The following MIPEP variants were observed in gnomAD, a reference collection of about 807,000 sequenced individuals.
MIPEP encodes mitochondrial intermediate peptidase.
In MIPEP, 79 loss-of-function variants were observed where a neutral mutation model predicts 90.3. The observed-to-expected ratio is 0.87, with a 90% confidence interval of 0.73 to 1.05. MIPEP has a LOEUF of 1.05. Among genes scored for constraint, MIPEP ranks in the 50% least tolerant of loss-of-function variants. MIPEP has a pLI of 0.00. For missense variants in MIPEP, 940 were observed against 905.6 expected (o/e 1.04, Z -0.49); for synonymous variants, 334 against 315.8 (o/e 1.06, Z -0.61).
chr13:23,865,603 A>T (rs1016077045), intron 7 of MIPEP, among the ~76,000 whole-genome samples: 1 of 152,196 alleles, frequency 6.6e-6, no homozygotes, highest in African/African-American at 2.4e-5. Flanking sequence ...ATTTCTTAAT[A>T]ACCGTGTTTT....
intron 9 of MIPEP, among the ~76,000 whole-genome samples, chr13:23,861,338 A>C (rs1870295446): frequency 6.6e-6 from 1 of 152,162 alleles, no homozygotes; most frequent in Non-Finnish European, 1.5e-5. Flanking sequence ...TTCTATAGTC[A>C]CCAAACTAAA....
rs1871665776 is a variant in MIPEP, at chr13:23,889,012, G to A, written c.189+120C>T. ...CGCACACAAGACGCCACTGTAAAAG[G>A]TGGGTTCGCTGCTCGCCTCCTCCCA... On this transcript the variant is annotated intron_variant, in intron 1 of 18. Transcript: ENST00000382172. The A allele has an allele frequency of 5.2e-6, 5 of 954,780 alleles. No individual in the cohort carries two copies. The African/African-American group carries it at 8.6e-5, about 16-fold the overall frequency. 59.1% of individuals were successfully genotyped at this position (954,780 alleles called of 1,614,324 possible).
chr13:23,799,741 T>C (rs1013839928), intron 16 of MIPEP, among the ~76,000 whole-genome samples: 1 of 152,210 alleles, frequency 6.6e-6, no homozygotes, highest in African/African-American at 2.4e-5. Flanking sequence ...AAACATGTCT[T>C]CTTTTCATAT....
chr13:23,819,008 A>T (rs1396909182), intron 14 of MIPEP, among the ~76,000 whole-genome samples: 1 of 152,258 alleles, frequency 6.6e-6, no homozygotes, highest in Admixed American at 6.5e-5. Flanking sequence ...TAAAGTATTT[A>T]TCTTTTAAAA....
rs551175227 is a variant in MIPEP at position 23,736,073 on chromosome 13, G to A, written c.2045-5628C>T. ...CAAGTCTTAATTTTAGAAGGGTGAC[G>A]ATTAAAATTGTATTTTCCAAGCACC... On this transcript the variant is annotated intron_variant, in intron 18 of 18. Transcript: ENST00000382172. Among the ~76,000 whole-genome samples the A allele has an allele frequency of 2.6e-5, 4 of 152,284 alleles. No homozygotes were observed. The East Asian group carries it at 7.7e-4, about 29-fold the overall frequency.
intron 1 of MIPEP, among the ~76,000 whole-genome samples, chr13:23,886,940 G>A (rs529329803): frequency 6.6e-6 from 1 of 152,006 alleles, no homozygotes; most frequent in Admixed American, 6.6e-5. Context: ...CTCCTCCTAG[G>A]AGAAATATTT....
intron 16 of MIPEP, among the ~76,000 whole-genome samples, chr13:23,802,809 C>T (rs1210316668): frequency 1.3e-5 from 2 of 152,160 alleles, no homozygotes; most frequent in African/African-American, 4.8e-5. Flanking sequence ...GTGCAGTATT[C>T]AATAAATTAC....
intron 16 of MIPEP, among the ~76,000 whole-genome samples, chr13:23,763,139 A>G (rs983838597): frequency 3.3e-5 from 5 of 152,240 alleles, no homozygotes; most frequent in Non-Finnish European, 5.9e-5. Context: ...TACAACATAT[A>G]CACAGTCCAA....
chr13:23,852,807 A>C (rs939606826), intron 10 of MIPEP, among the ~76,000 whole-genome samples: 1 of 152,224 alleles, frequency 6.6e-6, no homozygotes, highest in Non-Finnish European at 1.5e-5. Flanking sequence ...AGGGGATGGC[A>C]GCTCCATGCC....
intron 14 of MIPEP, among the ~76,000 whole-genome samples, chr13:23,831,952 G>C (rs914836922): frequency 4.6e-5 from 7 of 152,124 alleles, no homozygotes; most frequent in African/African-American, 1.7e-4. Flanking sequence ...TATTTGTAAA[G>C]AGCCACTGTG....
intron 14 of MIPEP, among the ~76,000 whole-genome samples, chr13:23,813,465 T>C (rs1953197609): frequency 6.6e-6 from 1 of 152,206 alleles, no homozygotes; most frequent in South Asian, 2.1e-4. Flanking sequence ...GTTGTTATAG[T>C]GTATGTTTTA....
At chr13:23,862,243 A>T in intron 9 of MIPEP, 59 bp downstream of exon 9, 4 of 1,021,180 alleles carry the variant, frequency 3.9e-6, no homozygotes, top group Non-Finnish European at 5.9e-6. Context: ...GAATCAAAAG[A>T]TATTGATTTC....
chr13:23,834,658 G>A (rs747858056), intron 14 of MIPEP, among the ~76,000 whole-genome samples: 11 of 152,176 alleles, frequency 7.2e-5, no homozygotes, highest in Admixed American at 2.0e-4. Context: ...GCTGACTGGC[G>A]AATGCCGCTT....
intron 14 of MIPEP, among the ~76,000 whole-genome samples, chr13:23,823,476 C>G (rs1301758445): frequency 6.6e-6 from 1 of 152,170 alleles, no homozygotes; most frequent in Non-Finnish European, 1.5e-5. Flanking sequence ...GTGGGCATGA[C>G]AGTCCTACGT....
At chr13:23,845,145 T>C (rs1338829251) in intron 10 of MIPEP, among the ~76,000 whole-genome samples, 1 of 152,200 alleles carries the variant, frequency 6.6e-6, no homozygotes, top group East Asian at 1.9e-4. Context: ...TTATTTAACA[T>C]AAAAATATAT....
At position 23,740,395 on chromosome 13, in the gene MIPEP, G is replaced by A. The variant is rs140461143; in HGVS notation, c.2045-9950C>T. 3.9e-3 allele frequency among the ~76,000 whole-genome samples: 587 copies of A among 151,064 alleles called. 1 individual carries two copies. Among genetic ancestry groups the A allele is most frequent in the Non-Finnish European group, 6.6e-3 (448 of 67,936 alleles). On this transcript the variant is annotated intron_variant, in intron 18 of 18. Transcript: ENST00000382172. ...AGCCCCACCGAGCTGCTCTTCTGGA[G>A]CCCTGTTGTAACTTCTTCCTTTGAG...
chr13:23,885,352 G>C (rs552494575), intron 2 of MIPEP, among the ~76,000 whole-genome samples: 1 of 152,156 alleles, frequency 6.6e-6, no homozygotes, highest in African/African-American at 2.4e-5. Flanking sequence ...CAAAAAAACA[G>C]GAAGATTGAG....
intron 16 of MIPEP, among the ~76,000 whole-genome samples, chr13:23,777,801 G>T (rs1448071091): frequency 6.6e-6 from 1 of 152,080 alleles, no homozygotes; most frequent in Non-Finnish European, 1.5e-5. Context: ...TACTCTACTT[G>T]CCTTCAGTAC....
intron 14 of MIPEP, among the ~76,000 whole-genome samples, chr13:23,833,082 A>C (rs1363666912): frequency 6.6e-6 from 1 of 152,228 alleles, no homozygotes; most frequent in Non-Finnish European, 1.5e-5. Context: ...TAATGTTAAA[A>C]AAATCCTTTC....
Sources: gnomAD v4.1 joint callset for allele counts (sites outside exome capture counted in the v4.1 genomes callset) on GRCh38, gnomAD v4.1.1 for gene constraint, MANE v1.5 for transcripts, NCBI Gene and HGNC (gene_info 2026-07-23, HGNC 2026-07-21) for gene names.